The following CFAP251 variants were observed in gnomAD, a reference collection of about 807,000 sequenced individuals.
The protein encoded by CFAP251 is cilia- and flagella-associated protein 251.
In CFAP251, 93 loss-of-function variants were observed where a neutral mutation model predicts 126.7. The ratio of observed to expected loss-of-function variants is 0.73; its 90% CI spans 0.62 to 0.87. The LOEUF (loss-of-function observed/expected upper bound fraction) is 0.87. CFAP251 is among the 40% of genes least tolerant of loss of function. The probability of loss-of-function intolerance (pLI) is 0.00; values close to 1 mark genes in which losing one functional copy is unlikely to be tolerated. For synonymous variants in CFAP251, 503 were observed against 506.9 expected, an observed-to-expected ratio of 0.99 and a Z score of 0.10; for missense variants, 1,287 against 1,389.2, an observed-to-expected ratio of 0.93 and a Z score of 1.17.
At chr12:121,975,444 C>T (rs780620591) in intron 18 of CFAP251, 98 bp from the exon 19 acceptor site, 3 of 1,574,642 alleles carry the variant, frequency 1.9e-6, no homozygotes, top group Non-Finnish European at 2.6e-6. Flanking sequence ...CCCCATTCAG[C>T]TTAAAAGGTA....
intron 15 of CFAP251, among the ~76,000 whole-genome samples, chr12:121,965,820 C>CT (rs57810201): frequency 2.0e-4 from 29 of 143,038 alleles, no homozygotes; most frequent in Admixed American, 4.9e-4. Flanking sequence ...TCTTCTTCTT[C>CT]TTTTTTTTTT....
At position 121,931,773 on chromosome 12, in the gene CFAP251, A is replaced by T; in HGVS notation, c.775A>T (p.Ser259Cys). ...LTMTWSFGWN[S>C]SLPVYYIREE... The stretch of plus-strand genomic sequence containing the variant: ...CATGACCTGGTCGTTTGGATGGAAC[A>T]GTTCTCTTCCTGTTTACTATATTCG... The change falls in exon 4 of 22, where the codon AGT becomes TGT. Residue 259 changes from serine (S) to cysteine (C), a missense_variant. Coordinates refer to ENST00000288912, the MANE Select transcript of CFAP251 (RefSeq NM_144668.6). The T allele has an allele frequency of 6.3e-7, 1 of 1,596,726 alleles. No individual in the cohort carries two copies.
At position 121,983,497 on chromosome 12, in the gene CFAP251, AT is replaced by A. The variant is rs1401833978; in HGVS notation, c.3006+7813del. 2.0e-5 allele frequency among the ~76,000 whole-genome samples: 3 copies of A among 152,362 alleles called. No individual in the cohort carries two copies. In the East Asian group the frequency reaches 5.8e-4, roughly 29 times the overall value. ...AATAAAGCTTAAACAACTTATCAAA[AT>A]CTTGCTGATGAAGAAAAGGTATCCG... is the stretch of plus-strand genomic sequence containing the variant. On this transcript the variant is annotated intron_variant, in intron 19 of 21. Transcript: ENST00000288912.
intron 5 of CFAP251, among the ~76,000 whole-genome samples, chr12:121,936,338 G>A (rs575909033): frequency 6.6e-6 from 1 of 152,220 alleles, no homozygotes; most frequent in Non-Finnish European, 1.5e-5. Context: ...TCCCAGCTAC[G>A]CGGGAGGCTG....
At chr12:121,933,975 C>T (rs148994156) in intron 4 of CFAP251, among the ~76,000 whole-genome samples, 70 of 152,250 alleles carry the variant, frequency 4.6e-4, no homozygotes, top group Non-Finnish European at 9.1e-4. Context: ...TTATCCTCCA[C>T]TTGGGTTGGG....
chr12:122,001,436 C>T (rs1023094864), intron 20 of CFAP251, 61 bp from the exon 21 acceptor site: 7 of 1,353,286 alleles, frequency 5.2e-6, no homozygotes, highest in Non-Finnish European at 7.4e-6. Context: ...TAACGCTAAG[C>T]CCTGACAGTA....
At chr12:121,935,627 C>T (rs375479031) in intron 5 of CFAP251, among the ~76,000 whole-genome samples, 3 of 152,150 alleles carry the variant, frequency 2.0e-5, no homozygotes, top group Non-Finnish European at 4.4e-5. Context: ...ATGGTTTTCT[C>T]GTGATAAGCC....
In CFAP251 at chr12:121,942,678, C is replaced by T. The variant is rs756489622; in HGVS notation, c.1110+33C>T. 3.3e-5 allele frequency: 51 copies of T among 1,542,732 alleles called. No homozygotes were observed. In the Middle Eastern group the frequency reaches 5.0e-4, roughly 15 times the overall value. ...CCCTGGCCCTTTGGGTCAGCATCAGCGAGCTGGCCGACCTGTGCAGCGTGT... is the reference window on the plus strand; with the variant it reads ...CCCTGGCCCTTTGGGTCAGCATCAGTGAGCTGGCCGACCTGTGCAGCGTGT... On this transcript the variant is annotated intron_variant, in intron 6 of 21. Coordinates refer to ENST00000288912, the MANE Select transcript of CFAP251 (RefSeq NM_144668.6).
At chr12:121,978,446 G>A (rs866885084) in intron 19 of CFAP251, among the ~76,000 whole-genome samples, 2 of 132,556 alleles carry the variant, frequency 1.5e-5, no homozygotes, top group African/African-American at 2.9e-5. Flanking sequence ...GCTTTTTAAA[G>A]GATATATTTT....
chr12:121,922,769 G>GTTCTT (rs71082911), intron 2 of CFAP251, among the ~76,000 whole-genome samples: 3 of 151,448 alleles, frequency 2.0e-5, no homozygotes, highest in South Asian at 2.1e-4. Flanking sequence ...CGTTTGTCCT[G>GTTCTT]TTCTTTTCTT....
intron 20 of CFAP251, among the ~76,000 whole-genome samples, chr12:122,000,772 C>G (rs1210708008): frequency 2.0e-5 from 3 of 152,044 alleles, no homozygotes; most frequent in Non-Finnish European, 4.4e-5. Flanking sequence ...AGAGCCTGGT[C>G]CCCGCAGCAT....
Position 121,942,657 on chromosome 12 carries a change from G to A in CFAP251, c.1110+12G>A. The A allele has an allele frequency of 6.2e-7, 1 of 1,605,716 alleles. No homozygotes were observed. The highest frequency in any genetic ancestry group is 8.5e-7 in the Non-Finnish European group (1 of 1,176,438). ...ATGCTGAAGTCCAGGTAAAGGCCCT[G>A]GCCCTTTGGGTCAGCATCAGCGAGC... On this transcript the variant is annotated intron_variant, in intron 6 of 21. Coordinates refer to ENST00000288912, the MANE Select transcript of CFAP251 (RefSeq NM_144668.6).
chr12:121,951,571 G>T, intron 9 of CFAP251, 41 bp downstream of exon 9: 1 of 1,462,548 alleles, frequency 6.8e-7, no homozygotes. Flanking sequence ...AGATTTTGTG[G>T]AGAATAAATA....
intron 17 of CFAP251, chr12:121,969,840 T>C (rs771616553): frequency 1.5e-5 from 15 of 985,348 alleles, no homozygotes; most frequent in Non-Finnish European, 1.8e-5. Context: ...ATGGTAGAAA[T>C]TTAAGAAGAA....
chr12:121,986,443 A>G (rs1017460597), intron 19 of CFAP251, among the ~76,000 whole-genome samples: 8 of 147,784 alleles, frequency 5.4e-5, no homozygotes, highest in Non-Finnish European at 1.2e-4. Context: ...GACTACAGGC[A>G]CCCGCCACCA....
At chr12:121,997,072 G>C (rs919751812) in intron 19 of CFAP251, 1 of 152,134 alleles carries the variant, frequency 6.6e-6, no homozygotes, top group African/African-American at 2.4e-5. Context: ...CCTTTTAAAG[G>C]CGTCTTTAAA....
Position 121,958,253 on chromosome 12 carries a change from G to T in CFAP251, c.1731-19G>T, listed in dbSNP as rs1019869277. On this transcript the variant is annotated intron_variant, in intron 11 of 21. Coordinates refer to ENST00000288912, the MANE Select transcript of CFAP251 (RefSeq NM_144668.6). The stretch of plus-strand genomic sequence containing the variant: ...TCCCTGCAAACACTGATATTGTTTG[G>T]TCTCTCCTTGGCAAACAGGAATTTT... 3 of 1,613,094 alleles carry T rather than the reference G, an allele frequency of 1.9e-6. No homozygotes were observed. Among genetic ancestry groups the T allele is most frequent in the Admixed American group, 1.7e-5 (1 of 59,994 alleles).
At chr12:121,992,847 G>A (rs2135813447) in intron 19 of CFAP251, among the ~76,000 whole-genome samples, 1 of 152,262 alleles carries the variant, frequency 6.6e-6, no homozygotes, top group Admixed American at 6.5e-5. Flanking sequence ...TGGGATTACA[G>A]GCGTAAGCCA....
intron 7 of CFAP251, among the ~76,000 whole-genome samples, chr12:121,946,123 ATTG>A (rs1353401974): frequency 6.6e-6 from 1 of 152,098 alleles, no homozygotes; most frequent in African/African-American, 2.4e-5. Flanking sequence ...CATCCTGATT[ATTG>A]TTTATCAGTT....
Sources: allele counts gnomAD v4.1 joint callset (sites outside exome capture counted in the v4.1 genomes callset), GRCh38; gene constraint gnomAD v4.1.1; transcripts MANE v1.5; gene names NCBI Gene and HGNC (gene_info 2026-07-23, HGNC 2026-07-21).